Variants in IER3IP1 observed in about 807,000 individuals in gnomAD.
IER3IP1 encodes the protein immediate early response 3-interacting protein 1.
Under a neutral mutation model 12.2 loss-of-function variants are expected in IER3IP1, and 16 were observed. The observed-to-expected ratio is 1.31, with a 90% CI of 0.89 to 1.99. The LOEUF (loss-of-function observed/expected upper bound fraction) is 1.99, where lower values mean the gene tolerates loss of function less well. Ranked by LOEUF, IER3IP1 falls within the 30% of genes most tolerant of loss-of-function variation. IER3IP1 has a pLI of 0.00. For missense variants in IER3IP1, 95 were observed against 95.8 expected (o/e 0.99, Z 0.03); for synonymous variants, 42 against 40.0 (o/e 1.05, Z -0.19).
At chr18:47,173,197 C>T (rs1001246944) in intron 1 of IER3IP1, among the ~76,000 whole-genome samples, 3 of 152,142 alleles carry the variant, frequency 2.0e-5, no homozygotes, top group African/African-American at 7.2e-5. Context: ...ACCTTCTTAC[C>T]TAGCACCATC....
Position 47,154,480 on chromosome 18 carries a change from CTT to C in IER3IP1, c.*1695_*1696del, listed in dbSNP as rs1313863734. On this transcript the variant is annotated 3_prime_UTR_variant, in exon 3 of 3. Coordinates refer to ENST00000256433, the MANE Select transcript of IER3IP1 (RefSeq NM_016097.5). ...TTAAGATGAAGGTATGCTGTAATGT[CTT>C]ATATGAAAAATAACATCAGATCAAG... 1 of 152,160 alleles carries C rather than the reference CTT, an allele frequency of 6.6e-6. No individual in the cohort carries two copies. The highest frequency in any genetic ancestry group is 1.9e-4 in the East Asian group (1 of 5,194). 9.4% of individuals were successfully genotyped at this position (152,160 alleles called of 1,614,324 possible).
At chr18:47,170,576 CAAT>C (rs907967971) in intron 1 of IER3IP1, among the ~76,000 whole-genome samples, 1 of 152,050 alleles carries the variant, frequency 6.6e-6, no homozygotes, top group African/African-American at 2.4e-5. Context: ...TTTCTTTCAA[CAAT>C]GCCTTATAGT....
chr18:47,171,566 T>C (rs890690640), intron 1 of IER3IP1, among the ~76,000 whole-genome samples: 11 of 152,246 alleles, frequency 7.2e-5, no homozygotes, highest in African/African-American at 2.7e-4. Flanking sequence ...ATTTCCCATT[T>C]ACTTGAGTCT....
At chr18:47,175,642 T>C (rs1338830792) in intron 1 of IER3IP1, among the ~76,000 whole-genome samples, 1 of 152,072 alleles carries the variant, frequency 6.6e-6, no homozygotes, top group Non-Finnish European at 1.5e-5. Flanking sequence ...TTTGTATTTT[T>C]AGTAGAGACG....
At chr18:47,168,301 C>CAAAAAAAAAAAAAAAAAAA (rs35347851) in intron 1 of IER3IP1, among the ~76,000 whole-genome samples, 1 of 107,166 alleles carries the variant, frequency 9.3e-6, no homozygotes, top group African/African-American at 3.8e-5. Flanking sequence ...GACTCCATCA[C>CAAAAAAAAAAAAAAAAAAA]AAAAAAAAAA....
chr18:47,164,705 C>T (rs2144430801), intron 1 of IER3IP1, among the ~76,000 whole-genome samples: 1 of 151,608 alleles, frequency 6.6e-6, no homozygotes, highest in South Asian at 2.1e-4. Context: ...CTGCTTGAGC[C>T]TGGAAGGCCA....
chr18:47,176,266 G>A lies in IER3IP1; in HGVS notation c.12C>T (p.Thr4=), dbSNP rs1366709581. 2 of 1,609,322 alleles carry A rather than the reference G, an allele frequency of 1.2e-6. No individual in the cohort carries two copies. Among genetic ancestry groups the A allele is most frequent in the Non-Finnish European group, 1.7e-6 (2 of 1,178,020 alleles). Residue 4 remains threonine, a synonymous_variant, in exon 1 of 3, where the codon ACC becomes ACT. Transcript: ENST00000256433. MAF[T]LYSLLQAALL... ...GGGCTGCCTGCAGCAGTGAGTACAG[G>A]GTAAAGGCCATGGCCGTCCGAGGCC...
In IER3IP1 at chr18:47,172,007, CCT is replaced by C. The variant is rs2064017047; in HGVS notation, c.91+4178_91+4179del. Among the ~76,000 whole-genome samples the C allele has an allele frequency of 2.6e-5, 4 of 152,132 alleles. No homozygotes were observed. The highest frequency in any genetic ancestry group is 2.0e-4 in the Admixed American group (3 of 15,282). ...ACGTTGGCCAGGCTGGTCTCGAACT[CCT>C]GACCTCAAGTGATCCGCCCACCTTG... On this transcript the variant is annotated intron_variant, in intron 1 of 2. Transcript: ENST00000256433. The surrounding 1 kb of genome is among the most constrained non-coding windows in gnomAD (Gnocchi z 4.0).
At chr18:47,171,797 T>A (rs368063699) in intron 1 of IER3IP1, among the ~76,000 whole-genome samples, 2 of 152,284 alleles carry the variant, frequency 1.3e-5, no homozygotes, top group African/African-American at 4.8e-5. Flanking sequence ...TTCTCTTTTT[T>A]GGTCTTTTTT....
rs1447914710 is a variant in IER3IP1, at chr18:47,153,094, A to G, written c.*3083T>C. 1.3e-5 allele frequency: 2 copies of G among 152,312 alleles called. No homozygotes were observed. Among genetic ancestry groups the G allele is most frequent in the African/African-American group, 4.8e-5 (2 of 41,574 alleles). 9.4% of individuals were successfully genotyped at this position (152,312 alleles called of 1,614,324 possible). A position where few individuals can be genotyped will look rare whatever the true frequency, so the allele number is the denominator to read the frequency against. On this transcript the variant is annotated 3_prime_UTR_variant, in exon 3 of 3. Transcript: ENST00000256433. ...GCCTCCTAGTCTTTTTACTAGTCAA[A>G]TATCTTGCTTTCTCTTGTCATTTCA...
rs2063951389 is a variant in IER3IP1 at position 47,154,499 on chromosome 18, C to T, written c.*1678G>A. On this transcript the variant is annotated 3_prime_UTR_variant, in exon 3 of 3. Coordinates refer to ENST00000256433, the MANE Select transcript of IER3IP1 (RefSeq NM_016097.5). Reference sequence around the variant, plus strand: ...TAATGTCTTATATGAAAAATAACATCAGATCAAGGTCTCTCTTTTCTTTCA... The same window carrying T: ...TAATGTCTTATATGAAAAATAACATTAGATCAAGGTCTCTCTTTTCTTTCA... 6.6e-6 allele frequency: 1 copy of T among 152,168 alleles called. No homozygotes were observed. Among genetic ancestry groups the T allele is most frequent in the Non-Finnish European group, 1.5e-5 (1 of 68,022 alleles). The allele number at this position is 152,168 out of a possible 1,614,324, so 9.4% of individuals were successfully genotyped here.
chr18:47,175,460 T>C (rs2064029233), intron 1 of IER3IP1, among the ~76,000 whole-genome samples: 1 of 1,780 alleles, frequency 5.6e-4, no homozygotes, highest in African/African-American at 2.7e-3. Context: ...CAACTCGTTT[T>C]GTTTTGTTTG....
intron 2 of IER3IP1, 101 bp downstream of exon 2, chr18:47,157,331 AAAAT>A (rs1173135074): frequency 3.1e-6 from 3 of 956,346 alleles, no homozygotes; most frequent in Non-Finnish European, 5.0e-6. Context: ...AAAGAGAAAA[AAAAT>A]TCCCACTACA....
chr18:47,156,396 A>G (rs2063959164), intron 2 of IER3IP1, among the ~76,000 whole-genome samples, 164 bp from the exon 3 acceptor site: 1 of 152,260 alleles, frequency 6.6e-6, no homozygotes. Context: ...ACATTGGATC[A>G]TGAGATCCAA....
At chr18:47,156,322 A>G (rs2063958978) in intron 2 of IER3IP1, 90 bp from the exon 3 acceptor site, 3 of 731,366 alleles carry the variant, frequency 4.1e-6, no homozygotes, top group Admixed American at 2.3e-5. Context: ...AACAATAGAA[A>G]TATCTAACAA....
Position 47,155,324 on chromosome 18 carries a change from G to A in IER3IP1, c.*853C>T, listed in dbSNP as rs2063954618. The A allele has an allele frequency of 1.3e-5, 2 of 152,138 alleles. No homozygotes were observed. Among genetic ancestry groups the A allele is most frequent in the Non-Finnish European group, 2.9e-5 (2 of 68,018 alleles). 9.4% of individuals were successfully genotyped at this position (152,138 alleles called of 1,614,324 possible). On this transcript the variant is annotated 3_prime_UTR_variant, in exon 3 of 3. Transcript: ENST00000256433. ...TGCTGCTCCACCAAGAAATAGAAAT[G>A]TAATGATTTTTTGAAAGGTAAATGC...
chr18:47,156,012 A>T lies in IER3IP1; in HGVS notation c.*165T>A. ...TTTGTAATGAAACTACAAGTGCAAC[A>T]TTAAAAAAAAAAACAGATAAATAGA... On this transcript the variant is annotated 3_prime_UTR_variant, in exon 3 of 3. Coordinates refer to ENST00000256433, the MANE Select transcript of IER3IP1 (RefSeq NM_016097.5). 1 of 599,694 alleles carries T rather than the reference A, an allele frequency of 1.7e-6. No homozygotes were observed. Among genetic ancestry groups the T allele is most frequent in the Non-Finnish European group, 3.0e-6 (1 of 336,542 alleles). The allele number at this position is 599,694 out of a possible 1,614,324, so 37.1% of individuals were successfully genotyped here.
rs117141353 is a variant in IER3IP1, at chr18:47,160,415, C to T, written c.92-2878G>A. Reference sequence around the variant, plus strand: ...CTTCGCTGGCTTCTTCAGGCAAATGCGGGTTCAATTCACTAAAAGTTCCTG... The same window carrying T: ...CTTCGCTGGCTTCTTCAGGCAAATGTGGGTTCAATTCACTAAAAGTTCCTG... On this transcript the variant is annotated intron_variant, in intron 1 of 2. Coordinates refer to ENST00000256433, the MANE Select transcript of IER3IP1 (RefSeq NM_016097.5). Among the ~76,000 whole-genome samples the T allele has an allele frequency of 4.9e-3, 751 of 152,308 alleles. 1 individual carries two copies. Among genetic ancestry groups the T allele is most frequent in the South Asian group, 0.012 (59 of 4,824 alleles).
Position 47,161,767 on chromosome 18 carries a change from C to A in IER3IP1, c.92-4230G>T, listed in dbSNP as rs112520150. Among the ~76,000 whole-genome samples, 561 of 151,976 alleles carry A rather than the reference C, an allele frequency of 3.7e-3. 6 individuals carry two copies. The highest frequency in any genetic ancestry group is 0.013 in the African/African-American group (541 of 41,420). On this transcript the variant is annotated intron_variant, in intron 1 of 2. Transcript: ENST00000256433. ...ATTACATTTATTGTGTACTTTATTTCTATTATTATTACATTGTAATACATA... is the reference window on the plus strand; with the variant it reads ...ATTACATTTATTGTGTACTTTATTTATATTATTATTACATTGTAATACATA...
Sources: gnomAD v4.1 joint callset for allele counts (sites outside exome capture counted in the v4.1 genomes callset) on GRCh38, gnomAD v4.1.1 for gene constraint, Gnocchi (gnomAD v3.1) non-coding constraint, MANE v1.5 for transcripts, NCBI Gene and HGNC (gene_info 2026-07-23, HGNC 2026-07-21) for gene names.